CHAF1B: variants seen among roughly 807,000 people sequenced by gnomAD.
CHAF1B encodes chromatin assembly factor 1 subunit B.
Under a neutral mutation model 60.7 loss-of-function variants are expected in CHAF1B, and 10 were observed. The observed-to-expected ratio is 0.16, with a 90% CI of 0.10 to 0.28. CHAF1B has a LOEUF of 0.28. Among genes scored for constraint, CHAF1B ranks in the 10% least tolerant of loss-of-function variants. The pLI, the probability that CHAF1B is intolerant of heterozygous loss-of-function variation, is 1.00. For synonymous variants in CHAF1B, 261 were observed against 266.1 expected, an observed-to-expected ratio of 0.98 and a Z score of 0.19; for missense variants, 558 against 708.4, an observed-to-expected ratio of 0.79 and a Z score of 2.41.
At chr21:36,405,432 T>G (rs948687714) in intron 8 of CHAF1B, among the ~76,000 whole-genome samples, 1 of 151,948 alleles carries the variant, frequency 6.6e-6, no homozygotes, top group Non-Finnish European at 1.5e-5. Context: ...ATTTATTTAT[T>G]TATTTATTTT....
At chr21:36,414,760 C>T (rs1018510842) in intron 12 of CHAF1B, among the ~76,000 whole-genome samples, 5 of 152,050 alleles carry the variant, frequency 3.3e-5, no homozygotes, top group African/African-American at 4.8e-5. Flanking sequence ...TACAGGCATG[C>T]GCCACCATGC....
At chr21:36,412,776 TG>T (rs2086287820) in intron 11 of CHAF1B, 107 bp from the exon 12 acceptor site, 1 of 998,252 alleles carries the variant, frequency 1.0e-6, no homozygotes, top group Non-Finnish European at 1.5e-6. Flanking sequence ...ATCTTTTCCC[TG>T]GTTTTTGCCT....
intron 9 of CHAF1B, 89 bp from the exon 10 acceptor site, chr21:36,409,285 G>A: frequency 1.0e-6 from 1 of 962,010 alleles, no homozygotes; most frequent in South Asian, 1.4e-5. Flanking sequence ...ATAGGTGTGA[G>A]CCACCGCGCC....
In CHAF1B at chr21:36,416,412, G is replaced by A. The variant is rs374622617; in HGVS notation, c.*46G>A. On this transcript the variant is annotated 3_prime_UTR_variant, in exon 14 of 14. Coordinates refer to ENST00000314103, the MANE Select transcript of CHAF1B (RefSeq NM_005441.3). ...GAAGCCTACCAGGCTCCCGGTGTGT[G>A]CAGGGAGACGGTAAAGCTGGAGGTG... 8 of 1,512,010 alleles carry A rather than the reference G, an allele frequency of 5.3e-6. No individual in the cohort carries two copies. Among genetic ancestry groups the A allele is most frequent in the Non-Finnish European group, 7.3e-6 (8 of 1,100,208 alleles). The allele number at this position is 1,512,010 out of a possible 1,614,324, so 93.7% of individuals were successfully genotyped here.
chr21:36,392,960 G>C (rs1011955700), intron 4 of CHAF1B, among the ~76,000 whole-genome samples: 5 of 152,170 alleles, frequency 3.3e-5, no homozygotes, highest in Non-Finnish European at 7.4e-5. Flanking sequence ...CTGCAATCCC[G>C]GCACCTCGGG....
chr21:36,387,040 C>T (rs373289311), intron 2 of CHAF1B, among the ~76,000 whole-genome samples: 2 of 152,122 alleles, frequency 1.3e-5, no homozygotes, highest in East Asian at 3.9e-4. Context: ...TTCATTTTCC[C>T]TAGATTATTG....
rs767292980 is a variant in CHAF1B at position 36,409,410 on chromosome 21, T to C, written c.864T>C (p.Thr288=). The part of the protein sequence containing the change: ...IAHLPCPGKA[T]LAVRCCPVYF... ...ATCTTCCATGTCCTGGAAAAGCCAC[T>C]CTTGCTGTTCGCTGCTGTCCGGTCT... Residue 288 remains threonine (T), a synonymous_variant, in exon 10 of 14, where the codon ACT becomes ACC. Transcript: ENST00000314103. 2 of 1,613,774 alleles carry C rather than the reference T, an allele frequency of 1.2e-6. No individual in the cohort carries two copies. Among genetic ancestry groups the C allele is most frequent in the African/African-American group, 2.7e-5 (2 of 74,864 alleles).
chr21:36,397,389 T>C (rs758643366), intron 5 of CHAF1B, 26 bp from the exon 6 acceptor site: 2 of 1,263,302 alleles, frequency 1.6e-6, no homozygotes, highest in Admixed American at 2.1e-5. Flanking sequence ...GCTGTTTTGG[T>C]GCGTGTGTGT....
intron 6 of CHAF1B, among the ~76,000 whole-genome samples, chr21:36,399,255 C>G (rs1223545759): frequency 3.3e-5 from 5 of 151,948 alleles, no homozygotes; most frequent in African/African-American, 1.2e-4. Context: ...AGGCTGGTCT[C>G]GAACTCCTGA....
In CHAF1B at chr21:36,391,622, G is replaced by A. The variant is rs1464396433; in HGVS notation, c.331G>A (p.Glu111Lys). ...GCAGATCGCTTTTCAGGATGAGGAC[G>A]AGGCCCAGCTGAACAAGGAGAACTG... ...PEQIAFQDEDEAQLNKENWTV... is the reference protein window; with the variant it reads ...PEQIAFQDEDKAQLNKENWTV... The change falls in exon 4 of 14, where the codon GAG becomes AAG. Residue 111 changes from glutamate to lysine, a missense_variant. This residue lies in a region of CHAF1B where 325 missense variants were observed against 493.5 expected (regional missense o/e 0.66). Transcript: ENST00000314103. The A allele has an allele frequency of 6.2e-7, 1 of 1,613,728 alleles. No homozygotes were observed. The highest frequency in any genetic ancestry group is 8.5e-7 in the Non-Finnish European group (1 of 1,179,758).
intron 10 of CHAF1B, among the ~76,000 whole-genome samples, chr21:36,410,044 A>G (rs1224828818): frequency 1.3e-5 from 2 of 151,204 alleles, no homozygotes; most frequent in Non-Finnish European, 2.9e-5. Flanking sequence ...GCTCACTGCA[A>G]ACCCTGCCTC....
At chr21:36,395,606 T>C (rs1397052678) in intron 5 of CHAF1B, among the ~76,000 whole-genome samples, 2 of 152,196 alleles carry the variant, frequency 1.3e-5, no homozygotes, top group Non-Finnish European at 2.9e-5. Context: ...TTATAATTTA[T>C]AGGGCATTGC....
chr21:36,400,472 AAAAT>A (rs544530373), intron 7 of CHAF1B, among the ~76,000 whole-genome samples: 2 of 152,108 alleles, frequency 1.3e-5, no homozygotes, highest in Non-Finnish European at 2.9e-5. Context: ...ACTCAGTCTC[AAAAT>A]AAATAAATAA....
At chr21:36,394,337 A>G (rs370983918) in intron 4 of CHAF1B, among the ~76,000 whole-genome samples, 1 of 152,028 alleles carries the variant, frequency 6.6e-6, no homozygotes. Flanking sequence ...GGCCTCCCAA[A>G]GTGCTGGGAT....
At chr21:36,385,836 C>T (rs2086026671) in intron 1 of CHAF1B, among the ~76,000 whole-genome samples, 1 of 152,192 alleles carries the variant, frequency 6.6e-6, no homozygotes, top group African/African-American at 2.4e-5. Flanking sequence ...GTAGCCTTTA[C>T]CTGGGTGTTT....
At chr21:36,387,113 A>G (rs1012607121) in intron 2 of CHAF1B, among the ~76,000 whole-genome samples, 2 of 152,176 alleles carry the variant, frequency 1.3e-5, no homozygotes, top group South Asian at 4.1e-4. Flanking sequence ...AAGTTGCTCT[A>G]GAAAGAAGGC....
chr21:36,407,640 T>G (rs1163407995), intron 8 of CHAF1B, among the ~76,000 whole-genome samples: 1 of 152,118 alleles, frequency 6.6e-6, no homozygotes, highest in African/African-American at 2.4e-5. Context: ...AATGGTTTGT[T>G]GAATGTTAAA....
chr21:36,388,349 C>G (rs1434702111), intron 3 of CHAF1B, among the ~76,000 whole-genome samples: 1 of 152,058 alleles, frequency 6.6e-6, no homozygotes, highest in African/African-American at 2.4e-5. Flanking sequence ...AGCAAGGCGA[C>G]TGTTCTGGTT....
In CHAF1B at chr21:36,416,258, G is replaced by A. The variant is rs752063394; in HGVS notation, c.1589-17G>A. 5.6e-6 allele frequency: 9 copies of A among 1,602,004 alleles called. No individual in the cohort carries two copies. Among genetic ancestry groups the A allele is most frequent in the Non-Finnish European group, 6.8e-6 (8 of 1,173,382 alleles). On this transcript the variant is annotated splice_polypyrimidine_tract_variant and intron_variant, in intron 13 of 13. Transcript: ENST00000314103. Reference sequence around the variant, plus strand: ...TTCTTCATTTACTTGCCAACCTTATGTTTGTTAATGTTGCAGAGACGCCTG... The same window carrying A: ...TTCTTCATTTACTTGCCAACCTTATATTTGTTAATGTTGCAGAGACGCCTG...
Sources: allele counts gnomAD v4.1 joint callset (sites outside exome capture counted in the v4.1 genomes callset), GRCh38; gene constraint gnomAD v4.1.1; regional missense constraint gnomAD v4.1.1; transcripts MANE v1.5; gene names NCBI Gene and HGNC (gene_info 2026-07-23, HGNC 2026-07-21).